The following ALK variants were observed in gnomAD, a reference collection of about 807,000 sequenced individuals.
ALK encodes ALK receptor tyrosine kinase.
A neutral mutation model predicts 163.1 loss-of-function variants in ALK; 74 were observed. The ratio of observed to expected loss-of-function variants is 0.45; its 90% CI spans 0.38 to 0.55. The LOEUF is 0.55. Among genes scored for constraint, ALK ranks in the 20% least tolerant of loss-of-function variants. The pLI, the probability that ALK is intolerant of heterozygous loss-of-function variation, is 0.00. For synonymous variants in ALK, 960 were observed against 843.2 expected (o/e 1.14, Z -2.40); for missense variants, 2,063 against 2,105.3 (o/e 0.98, Z 0.39).
intron 3 of ALK, among the ~76,000 whole-genome samples, chr2:29,584,595 C>T (rs1039759766): frequency 3.3e-5 from 5 of 152,186 alleles, no homozygotes; most frequent in Non-Finnish European, 5.9e-5. Flanking sequence ...CCCTCATCAT[C>T]GGCAGTCTCA....
intron 4 of ALK, among the ~76,000 whole-genome samples, chr2:29,426,277 G>A (rs867432072): frequency 6.6e-6 from 1 of 152,070 alleles, no homozygotes; most frequent in African/African-American, 2.4e-5. Flanking sequence ...GCCAAATAAG[G>A]CCACATTTAC....
At chr2:29,815,872 G>C (rs914029601) in intron 1 of ALK, among the ~76,000 whole-genome samples, 19 of 152,140 alleles carry the variant, frequency 1.2e-4, no homozygotes, top group African/African-American at 4.1e-4. Flanking sequence ...TGTGTAAGGA[G>C]TCCATGAATG....
intron 1 of ALK, among the ~76,000 whole-genome samples, chr2:29,718,994 T>C (rs1679347900): frequency 6.6e-6 from 1 of 152,212 alleles, no homozygotes; most frequent in Non-Finnish European, 1.5e-5. Flanking sequence ...CTCCTACCTC[T>C]AACCCCCTTT....
chr2:29,435,545 C>G (rs900641023), intron 4 of ALK, among the ~76,000 whole-genome samples: 2 of 151,928 alleles, frequency 1.3e-5, no homozygotes, highest in African/African-American at 4.8e-5. Flanking sequence ...AAATATTACC[C>G]CCTCTCCCAA....
At chr2:29,741,979 A>G (rs1680073119) in intron 1 of ALK, among the ~76,000 whole-genome samples, 1 of 152,242 alleles carries the variant, frequency 6.6e-6, no homozygotes, top group Non-Finnish European at 1.5e-5. Flanking sequence ...CATTTCAATA[A>G]TGAAACCTGA....
At chr2:29,748,252 C>G (rs1680257873) in intron 1 of ALK, among the ~76,000 whole-genome samples, 1 of 152,184 alleles carries the variant, frequency 6.6e-6, no homozygotes, top group African/African-American at 2.4e-5. Flanking sequence ...ATGTCTGAGT[C>G]AGGACCCATG....
intron 3 of ALK, among the ~76,000 whole-genome samples, chr2:29,589,963 T>C (rs1219851048): frequency 2.0e-5 from 3 of 152,114 alleles, no homozygotes; most frequent in East Asian, 3.9e-4. Flanking sequence ...GCTTTGGAGG[T>C]CATTGTGTCA....
chr2:29,375,443 C>A (rs12714278), intron 5 of ALK, among the ~76,000 whole-genome samples: 104,347 of 151,950 alleles, frequency 0.69, 36,377 homozygotes, highest in South Asian at 0.83. Context: ...CTCAGCCCCC[C>A]AAGTAGCTGG....
chr2:29,343,652 A>G lies in ALK; in HGVS notation c.1283-15171T>C, dbSNP rs561642095. ...TCAAGGTCTCAGCCAGCAGCAGGGA[A>G]CAATGGAGATGAGTTTCCATGTGCA... On this transcript the variant is annotated intron_variant, in intron 5 of 28. Transcript: ENST00000389048. 7.2e-5 allele frequency among the ~76,000 whole-genome samples: 11 copies of G among 152,316 alleles called. No individual in the cohort carries two copies. The East Asian group carries it at 1.9e-3, about 27-fold the overall frequency.
At chr2:29,666,845 T>C (rs1573539459) in intron 3 of ALK, among the ~76,000 whole-genome samples, 1 of 152,030 alleles carries the variant, frequency 6.6e-6, no homozygotes, top group Admixed American at 6.6e-5. Flanking sequence ...ACCCCCCTTC[T>C]CCTACCTTTC....
chr2:29,275,091 A>G lies in ALK; in HGVS notation c.2041+8T>C, dbSNP rs1573183399. The G allele has an allele frequency of 1.2e-6, 2 of 1,613,924 alleles. No individual in the cohort carries two copies. Among genetic ancestry groups the G allele is most frequent in the Non-Finnish European group, 1.7e-6 (2 of 1,180,002 alleles). On this transcript the variant is annotated splice_region_variant and intron_variant, in intron 11 of 28. Coordinates refer to ENST00000389048, the MANE Select transcript of ALK (RefSeq NM_004304.5). ...TACTGTGCTCACATTTGTGAGCTGA[A>G]CCCTTACCTGTAGGGTCAAAGATGG... is the stretch of plus-strand genomic sequence containing the variant.
At chr2:29,743,184 T>C (rs1376679024) in intron 1 of ALK, among the ~76,000 whole-genome samples, 1 of 152,220 alleles carries the variant, frequency 6.6e-6, no homozygotes, top group Non-Finnish European at 1.5e-5. Flanking sequence ...TTTTTCCATA[T>C]TGATAATGCA....
intron 3 of ALK, among the ~76,000 whole-genome samples, chr2:29,673,953 G>A (rs879917352): frequency 0.012 from 1,780 of 143,366 alleles, 37 homozygotes; most frequent in African/African-American, 0.045. Flanking sequence ...GTGAATGGGA[G>A]TTCACTCATG....
chr2:29,480,371 T>C (rs909245832), intron 4 of ALK, among the ~76,000 whole-genome samples: 3 of 152,200 alleles, frequency 2.0e-5, no homozygotes, highest in Non-Finnish European at 4.4e-5. Flanking sequence ...GTAATATTTG[T>C]GATATTATTT....
At chr2:29,618,562 C>T (rs1262536751) in intron 3 of ALK, among the ~76,000 whole-genome samples, 2 of 152,018 alleles carry the variant, frequency 1.3e-5, no homozygotes, top group African/African-American at 4.8e-5. Context: ...ATGTCCACAC[C>T]CCCATTTTTA....
At chr2:29,340,177 T>C (rs1227168872) in intron 5 of ALK, among the ~76,000 whole-genome samples, 1 of 152,226 alleles carries the variant, frequency 6.6e-6, no homozygotes, top group African/African-American at 2.4e-5. Flanking sequence ...TTCTGCACCA[T>C]ACCTCCCCGT....
chr2:29,461,838 T>G (rs775234341), intron 4 of ALK, among the ~76,000 whole-genome samples: 3 of 152,058 alleles, frequency 2.0e-5, no homozygotes, highest in Non-Finnish European at 4.4e-5. Context: ...GTGCCATAGA[T>G]AGTGATTCCT....
chr2:29,398,947 G>A (rs1669376788), intron 4 of ALK, among the ~76,000 whole-genome samples: 1 of 152,088 alleles, frequency 6.6e-6, no homozygotes, highest in African/African-American at 2.4e-5. Flanking sequence ...ATGGCTACAG[G>A]GTGAGGCTTG....
chr2:29,806,486 G>T (rs944338230), intron 1 of ALK, among the ~76,000 whole-genome samples: 2 of 152,136 alleles, frequency 1.3e-5, no homozygotes, highest in African/African-American at 2.4e-5. Context: ...AGAAGGAGCC[G>T]CCAGCTGATG....
Sources: gnomAD v4.1 joint callset for allele counts (sites outside exome capture counted in the v4.1 genomes callset) on GRCh38, gnomAD v4.1.1 for gene constraint, MANE v1.5 for transcripts, NCBI Gene and HGNC (gene_info 2026-07-23, HGNC 2026-07-21) for gene names.